MILR1: variants seen among roughly 807,000 people sequenced by gnomAD.
MILR1 encodes mast cell immunoglobulin like receptor 1, also known as allergin-1.
A neutral mutation model predicts 18.5 loss-of-function variants in MILR1; 31 were observed. That is an observed-to-expected ratio of 1.68 (90% CI 1.26 to 2.26). The LOEUF (loss-of-function observed/expected upper bound fraction) is 2.26, where lower values mean the gene tolerates loss of function less well. Ranked by LOEUF, MILR1 falls within the 30% of genes most tolerant of loss-of-function variation. MILR1 has a pLI of 0.00. For missense variants in MILR1, 257 were observed against 157.4 expected (o/e 1.63, Z -3.38); for synonymous variants, 85 against 56.2 (o/e 1.51, Z -2.30).
At chr17:64,480,558 C>A in the MILR1 span, among the ~76,000 whole-genome samples, 8 of 152,272 alleles carry the variant, frequency 5.3e-5, no homozygotes, top group Admixed American at 3.3e-4. Flanking sequence ...CTTTATAAAT[C>A]GTATACTTCT....
At chr17:64,489,028 CTT>C in the MILR1 span, among the ~76,000 whole-genome samples, 23 of 136,414 alleles carry the variant, frequency 1.7e-4, no homozygotes, top group Admixed American at 2.9e-4. Context: ...TTTTCTTTTT[CTT>C]TTTTTTTTTT....
the MILR1 span, among the ~76,000 whole-genome samples, chr17:64,486,206 GT>G: frequency 5.9e-5 from 9 of 152,296 alleles, no homozygotes; most frequent in African/African-American, 2.2e-4. Context: ...AGGCCCAAAT[GT>G]GAATTTTAAA....
At chr17:64,488,924 A>G in the MILR1 span, among the ~76,000 whole-genome samples, 4 of 152,114 alleles carry the variant, frequency 2.6e-5, no homozygotes, top group African/African-American at 9.7e-5. Context: ...CAGCCTGGGC[A>G]ACAGAGTGAG....
intron 6 of MILR1, among the ~76,000 whole-genome samples, chr17:64,465,933 T>C (rs1260576407): frequency 6.6e-6 from 1 of 152,148 alleles, no homozygotes; most frequent in Non-Finnish European, 1.5e-5. Flanking sequence ...ACCCAGCGCC[T>C]CGGCTGATGT....
At chr17:64,458,999 A>G (rs2037364244) in intron 4 of MILR1, among the ~76,000 whole-genome samples, 1 of 152,124 alleles carries the variant, frequency 6.6e-6, no homozygotes. Flanking sequence ...CCAGGTCGGG[A>G]GCGGGGCAGC....
At chr17:64,479,925 C>T in the MILR1 span, among the ~76,000 whole-genome samples, 1 of 152,208 alleles carries the variant, frequency 6.6e-6, no homozygotes, top group Non-Finnish European at 1.5e-5. Context: ...TTCCCTTCCA[C>T]TCAGTCTCAG....
At chr17:64,460,071 T>C (rs2037397850) in intron 4 of MILR1, among the ~76,000 whole-genome samples, 1 of 151,228 alleles carries the variant, frequency 6.6e-6, no homozygotes, top group African/African-American at 2.4e-5. Context: ...ACTCACCCAG[T>C]CTGGAGTGCA....
intron 3 of MILR1, among the ~76,000 whole-genome samples, chr17:64,456,620 G>A (rs1388856050): frequency 6.6e-6 from 1 of 152,050 alleles, no homozygotes; most frequent in Non-Finnish European, 1.5e-5. Flanking sequence ...AGACCAGCCC[G>A]GGCAACATAG....
the MILR1 span, among the ~76,000 whole-genome samples, chr17:64,482,130 G>A: frequency 0.26 from 33,802 of 131,950 alleles, 8,844 homozygotes; most frequent in African/African-American, 0.69. Flanking sequence ...CTGAAGCAGG[G>A]TCTTGCTCTG....
chr17:64,492,989 G>T, the MILR1 span: 1 of 1,614,042 alleles, frequency 6.2e-7, no homozygotes, highest in Non-Finnish European at 8.5e-7. Flanking sequence ...TTGTTTACCA[G>T]ATCCAGGCAA....
chr17:64,469,658 C>T (rs1469339726), downstream of MILR1, among the ~76,000 whole-genome samples: 2 of 152,196 alleles, frequency 1.3e-5, no homozygotes, highest in South Asian at 2.1e-4. Context: ...CTCGGACTCC[C>T]AAAGTGCTGG....
At chr17:64,454,639 A>G (rs2037250214) in intron 3 of MILR1, among the ~76,000 whole-genome samples, 2 of 152,334 alleles carry the variant, frequency 1.3e-5, no homozygotes, top group South Asian at 4.1e-4. Flanking sequence ...AAATGCTCAT[A>G]AAACTACGTA....
At chr17:64,459,439 A>AAAAAAG (rs56987856) in intron 4 of MILR1, among the ~76,000 whole-genome samples, 28,900 of 151,420 alleles carry the variant, frequency 0.19, 3,399 homozygotes, top group South Asian at 0.33. Context: ...TGTCTCAAAG[A>AAAAAAG]AAAAAGAAAA....
downstream of MILR1, among the ~76,000 whole-genome samples, chr17:64,472,465 CAAAAAAAA>C (rs71158332): frequency 2.2e-4 from 3 of 13,918 alleles, no homozygotes; most frequent in African/African-American, 3.3e-4. Context: ...GACTCCATCT[CAAAAAAAA>C]AAAAAAAAAA....
the MILR1 span, chr17:64,485,549 C>T: frequency 1.6e-6 from 1 of 625,164 alleles, no homozygotes. Flanking sequence ...TTGTTCTATT[C>T]TGTGAGAACC....
chr17:64,454,812 G>A (rs1299703245), intron 3 of MILR1, among the ~76,000 whole-genome samples: 1 of 152,082 alleles, frequency 6.6e-6, no homozygotes, highest in Non-Finnish European at 1.5e-5. Flanking sequence ...TGGGAACTAT[G>A]TGGAGACTGT....
the MILR1 span, among the ~76,000 whole-genome samples, chr17:64,495,693 C>A: frequency 0.01 from 1,566 of 152,268 alleles, 22 homozygotes; most frequent in African/African-American, 0.036. Flanking sequence ...TTCCTAATAA[C>A]AACTAACCCA....
At chr17:64,478,000 GTAGT>G in the MILR1 span, 1 of 1,612,944 alleles carries the variant, frequency 6.2e-7, no homozygotes, top group Non-Finnish European at 8.5e-7. Flanking sequence ...TAAGAAAAAA[GTAGT>G]TAAACAGACA....
chr17:64,457,259 G>A, intron 3 of MILR1, 141 bp from the exon 4 acceptor site: 1 of 399,154 alleles, frequency 2.5e-6, no homozygotes, highest in Non-Finnish European at 4.4e-6. Context: ...AGTGGGCCGT[G>A]AGCTTCTTGA....
Sources: allele counts gnomAD v4.1 joint callset (sites outside exome capture counted in the v4.1 genomes callset), GRCh38; gene constraint gnomAD v4.1.1; transcripts MANE v1.5; gene names NCBI Gene and HGNC (gene_info 2026-07-23, HGNC 2026-07-21).